Variants in NRG1 observed in about 807,000 individuals in gnomAD.
NRG1 encodes neuregulin 1.
Under a neutral mutation model 63.8 loss-of-function variants are expected in NRG1, and 18 were observed. The ratio of observed to expected loss-of-function variants is 0.28; its 90% CI spans 0.19 to 0.42. The LOEUF is 0.42. Among genes scored for constraint, NRG1 ranks in the 10% least tolerant of loss-of-function variants. The pLI is 1.00. For missense variants in NRG1, 762 were observed against 814.7 expected (o/e 0.94, Z 0.79); for synonymous variants, 302 against 301.3 (o/e 1.00, Z -0.02).
intron 1 of NRG1, among the ~76,000 whole-genome samples, chr8:32,278,073 T>A (rs1209408339): frequency 6.6e-6 from 1 of 152,206 alleles, no homozygotes; most frequent in Non-Finnish European, 1.5e-5. Flanking sequence ...TCTCAGGACA[T>A]TTTTCCTATA....
chr8:32,132,278 C>T (rs1293727799), intron 1 of NRG1, among the ~76,000 whole-genome samples: 2 of 152,030 alleles, frequency 1.3e-5, no homozygotes, highest in Non-Finnish European at 2.9e-5. Context: ...AGATTAAGTG[C>T]CTGACATTCT....
chr8:32,318,994 G>C (rs909567383), intron 1 of NRG1, among the ~76,000 whole-genome samples: 4 of 152,166 alleles, frequency 2.6e-5, no homozygotes, highest in African/African-American at 9.6e-5. Flanking sequence ...CCAGATAGGA[G>C]TGACTGTGCG....
chr8:32,263,907 A>G (rs1850641412), intron 1 of NRG1, among the ~76,000 whole-genome samples: 1 of 152,180 alleles, frequency 6.6e-6, no homozygotes, highest in Non-Finnish European at 1.5e-5. Context: ...AGGTAGAGAG[A>G]CGGGGAGAGC....
chr8:31,704,312 C>A (rs1047612385), intron 1 of NRG1, among the ~76,000 whole-genome samples: 1 of 152,050 alleles, frequency 6.6e-6, no homozygotes, highest in South Asian at 2.1e-4. Context: ...ACAATGAAAT[C>A]CTTTCTTGAA....
In NRG1 at chr8:32,664,140, A is replaced by G. The variant is rs140690916; in HGVS notation, c.502+47255A>G. 5.2e-4 allele frequency among the ~76,000 whole-genome samples: 79 copies of G among 152,250 alleles called. No homozygotes were observed. In the East Asian group the frequency reaches 0.014, roughly 27 times the overall value. ...AAAACAGATTAAGCACTTGTTCTCT[A>G]CAAGGCCCTGGGTTCAGAGTAGTAG... On this transcript the variant is annotated intron_variant, in intron 5 of 11. Transcript: ENST00000356819.
chr8:31,807,072 A>G (rs1023238164), intron 1 of NRG1, among the ~76,000 whole-genome samples: 1 of 152,220 alleles, frequency 6.6e-6, no homozygotes, highest in Non-Finnish European at 1.5e-5. Context: ...ATCACAATCT[A>G]ATTGTGTTAA....
chr8:31,890,429 A>T (rs1292792337), intron 1 of NRG1, among the ~76,000 whole-genome samples: 1 of 152,136 alleles, frequency 6.6e-6, no homozygotes, highest in Non-Finnish European at 1.5e-5. Flanking sequence ...AAGGAAAAGA[A>T]AGAAGAAGTT....
intron 1 of NRG1, among the ~76,000 whole-genome samples, chr8:32,552,330 C>G (rs1485732278): frequency 7.0e-6 from 1 of 143,672 alleles, no homozygotes; most frequent in Admixed American, 7.1e-5. Flanking sequence ...TGTCTTTTTT[C>G]TTTTTCCTCT....
At chr8:32,471,847 G>A (rs1823892685) in intron 1 of NRG1, among the ~76,000 whole-genome samples, 1 of 152,146 alleles carries the variant, frequency 6.6e-6, no homozygotes, top group Non-Finnish European at 1.5e-5. Context: ...TAACTCTTTT[G>A]TAAATAACTT....
At chr8:32,091,910 G>A (rs1829213643) in intron 1 of NRG1, among the ~76,000 whole-genome samples, 2 of 152,044 alleles carry the variant, frequency 1.3e-5, no homozygotes. Flanking sequence ...GGGGACTATG[G>A]CCTCGATCTG....
chr8:31,729,718 A>G (rs1813828011), intron 1 of NRG1, among the ~76,000 whole-genome samples: 1 of 152,162 alleles, frequency 6.6e-6, no homozygotes, highest in South Asian at 2.1e-4. Flanking sequence ...AAATAACATA[A>G]ATAAGGAAAT....
intron 1 of NRG1, among the ~76,000 whole-genome samples, chr8:31,656,207 A>T (rs1433146689): frequency 6.6e-6 from 1 of 152,208 alleles, no homozygotes; most frequent in Admixed American, 6.5e-5. Flanking sequence ...AGGCAGAGTG[A>T]TGGGAAAGAA....
rs184223913 is a variant in NRG1, at chr8:32,662,052, A to G, written c.502+45167A>G. Among the ~76,000 whole-genome samples the G allele has an allele frequency of 1.6e-4, 25 of 152,338 alleles. No individual in the cohort carries two copies. The East Asian group carries it at 2.9e-3, about 18-fold the overall frequency. ...AAAAAACAAATATTTAAGATGATGCATATCCCAGTTATACTGATTTGATCT... is the reference window on the plus strand; with the variant it reads ...AAAAAACAAATATTTAAGATGATGCGTATCCCAGTTATACTGATTTGATCT... On this transcript the variant is annotated intron_variant, in intron 5 of 11. Coordinates refer to ENST00000356819, the Ensembl canonical transcript of NRG1.
intron 1 of NRG1, among the ~76,000 whole-genome samples, chr8:31,905,022 GT>G (rs869027292): frequency 1.4e-5 from 2 of 146,958 alleles, no homozygotes; most frequent in African/African-American, 2.6e-5. Context: ...CCAAAATAAA[GT>G]TTTTTTAAAA....
intron 1 of NRG1, among the ~76,000 whole-genome samples, chr8:32,175,647 A>T (rs1208164135): frequency 2.6e-5 from 4 of 152,192 alleles, no homozygotes. Flanking sequence ...CAGGATACAA[A>T]ATCAATGTAC....
chr8:32,133,884 C>T (rs755467008), intron 1 of NRG1, among the ~76,000 whole-genome samples: 3 of 152,102 alleles, frequency 2.0e-5, no homozygotes, highest in Non-Finnish European at 4.4e-5. Context: ...TGGGTTAAAG[C>T]ACAGGTTGAA....
intron 1 of NRG1, among the ~76,000 whole-genome samples, chr8:32,192,911 A>G (rs777610650): frequency 1.3e-5 from 2 of 150,782 alleles, no homozygotes; most frequent in Non-Finnish European, 3.0e-5. Flanking sequence ...ACCTTACTCT[A>G]TTTTTTTTTC....
chr8:32,561,510 C>A (rs1178334153), intron 1 of NRG1, among the ~76,000 whole-genome samples: 2 of 148,582 alleles, frequency 1.3e-5, no homozygotes, highest in African/African-American at 4.8e-5. Context: ...TAATGAGCTG[C>A]CTCAGCGCTC....
chr8:31,715,980 A>G (rs1196197987), intron 1 of NRG1, among the ~76,000 whole-genome samples: 3 of 152,322 alleles, frequency 2.0e-5, no homozygotes, highest in East Asian at 1.9e-4. Context: ...TTAAGAAAAT[A>G]TGTGTCATTT....
Sources: gnomAD v4.1 joint callset for allele counts (sites outside exome capture counted in the v4.1 genomes callset) on GRCh38, gnomAD v4.1.1 for gene constraint, MANE v1.5 for transcripts, NCBI Gene and HGNC (gene_info 2026-07-23, HGNC 2026-07-21) for gene names.